COG4: variants seen among roughly 807,000 people sequenced by gnomAD.
COG4 encodes component of oligomeric golgi complex 4, also known as conserved oligomeric Golgi complex subunit 4.
A neutral mutation model predicts 95.1 loss-of-function variants in COG4; 65 were observed. The observed-to-expected ratio is 0.68, with a 90% confidence interval of 0.56 to 0.84. COG4 has a LOEUF of 0.84. Among genes scored for constraint, COG4 ranks in the 40% least tolerant of loss-of-function variants. COG4 has a pLI of 0.00. For synonymous variants in COG4, 421 were observed against 374.8 expected, an observed-to-expected ratio of 1.12 and a Z score of -1.42; for missense variants, 1,045 against 989.1, an observed-to-expected ratio of 1.06 and a Z score of -0.76.
intron 8 of COG4, among the ~76,000 whole-genome samples, chr16:70,504,338 C>T (rs142068454): frequency 2.0e-5 from 3 of 152,112 alleles, no homozygotes; most frequent in African/African-American, 7.2e-5. Flanking sequence ...TGGGTGCAGT[C>T]GTTCACGACT....
chr16:70,516,513 G>C (rs887949080), intron 3 of COG4, among the ~76,000 whole-genome samples: 1 of 152,010 alleles, frequency 6.6e-6, no homozygotes, highest in African/African-American at 2.4e-5. Context: ...AGCCAGGATG[G>C]TCTCGATCTC....
chr16:70,521,576 A>G (rs760988762), intron 1 of COG4, among the ~76,000 whole-genome samples: 2 of 152,020 alleles, frequency 1.3e-5, no homozygotes, highest in Non-Finnish European at 2.9e-5. Flanking sequence ...CGTCCTCTTG[A>G]CAGTCATGGA....
intron 2 of COG4, among the ~76,000 whole-genome samples, chr16:70,518,695 C>T (rs9937769): frequency 0.12 from 18,250 of 151,896 alleles, 3,630 homozygotes; most frequent in African/African-American, 0.41. Flanking sequence ...TGGTGGTTCT[C>T]GGCCGGGCAT....
Position 70,517,687 on chromosome 16 carries a change from G to C in COG4, c.308C>G (p.Thr103Ser), listed in dbSNP as rs770900113. ...GDAKQLAGMI[T>S]FTCNLAENVS... ...ATTCTCAGCCAGGTTGCAGGTAAAG[G>C]TGATCATTCCAGCCAGCTGCTTTGC... The change falls in exon 3 of 19, where the codon ACC becomes AGC. Residue 103 changes from threonine (T) to serine (S), a missense_variant. Transcript: ENST00000323786. The C allele has an allele frequency of 6.2e-7, 1 of 1,613,630 alleles. No homozygotes were observed. The highest frequency in any genetic ancestry group is 1.1e-5 in the South Asian group (1 of 91,042).
chr16:70,485,386 T>C (rs961483550), intron 13 of COG4, among the ~76,000 whole-genome samples: 2 of 151,466 alleles, frequency 1.3e-5, no homozygotes, highest in Non-Finnish European at 2.9e-5. Context: ...CTATTTTTAG[T>C]AGAGACAGGG....
chr16:70,513,030 G>C (rs1020218403), intron 4 of COG4, among the ~76,000 whole-genome samples: 7 of 152,208 alleles, frequency 4.6e-5, no homozygotes, highest in African/African-American at 1.7e-4. Flanking sequence ...ATCAGAAAAG[G>C]CTTCCTAGAG....
chr16:70,488,870 C>A (rs2049187881), intron 13 of COG4, among the ~76,000 whole-genome samples: 1 of 152,154 alleles, frequency 6.6e-6, no homozygotes, highest in Non-Finnish European at 1.5e-5. Context: ...TTATTTTTAA[C>A]TGTTAATACA....
chr16:70,488,120 T>C, intron 13 of COG4, among the ~76,000 whole-genome samples: 1 of 151,104 alleles, frequency 6.6e-6, no homozygotes, highest in Non-Finnish European at 1.5e-5. Flanking sequence ...CCACCACACC[T>C]GGCTATTATT....
At chr16:70,481,174 C>T (rs1391929395) in intron 18 of COG4, 30 bp from the exon 19 acceptor site, 6 of 1,613,120 alleles carry the variant, frequency 3.7e-6, no homozygotes, top group Admixed American at 3.3e-5. Flanking sequence ...GACCAGTCAG[C>T]AAGGTGGGGT....
chr16:70,496,054 C>A (rs1013484998), intron 12 of COG4, among the ~76,000 whole-genome samples: 8 of 152,196 alleles, frequency 5.3e-5, no homozygotes, highest in Admixed American at 3.9e-4. Flanking sequence ...AGCCCAGCCT[C>A]TATCGTGGCT....
At chr16:70,505,886 T>C (rs2049555502) in intron 8 of COG4, among the ~76,000 whole-genome samples, 1 of 152,142 alleles carries the variant, frequency 6.6e-6, no homozygotes, top group African/African-American at 2.4e-5. Flanking sequence ...GGCTCATGCC[T>C]GTAATTCCAG....
chr16:70,490,065 G>A (rs746128444), intron 13 of COG4, among the ~76,000 whole-genome samples: 5 of 152,090 alleles, frequency 3.3e-5, no homozygotes, highest in East Asian at 1.9e-4. Flanking sequence ...TGATCCACCC[G>A]CCTTGGCCTC....
intron 4 of COG4, among the ~76,000 whole-genome samples, chr16:70,513,205 G>T (rs1466452743): frequency 6.6e-6 from 1 of 152,210 alleles, no homozygotes; most frequent in African/African-American, 2.4e-5. Flanking sequence ...GGAGGAGCTT[G>T]AGAAATACTT....
At chr16:70,488,113 C>G (rs1421537281) in intron 13 of COG4, among the ~76,000 whole-genome samples, 1 of 151,864 alleles carries the variant, frequency 6.6e-6, no homozygotes, top group Non-Finnish European at 1.5e-5. Flanking sequence ...GTGTGAGCCA[C>G]CACACCTGGC....
At chr16:70,490,752 C>T (rs986544825) in intron 12 of COG4, among the ~76,000 whole-genome samples, 3 of 151,992 alleles carry the variant, frequency 2.0e-5, no homozygotes, top group East Asian at 1.9e-4. Flanking sequence ...CTCTGCCTCC[C>T]GGGTTCATGC....
intron 8 of COG4, among the ~76,000 whole-genome samples, chr16:70,506,524 G>A (rs1049519408): frequency 1.4e-5 from 2 of 144,558 alleles, no homozygotes; most frequent in Non-Finnish European, 3.0e-5. Context: ...CTAGCAGGTG[G>A]AGGTTTTGGT....
intron 3 of COG4, among the ~76,000 whole-genome samples, chr16:70,516,494 C>T (rs2049825990): frequency 6.6e-6 from 1 of 152,058 alleles, no homozygotes; most frequent in Non-Finnish European, 1.5e-5. Flanking sequence ...GATGGGGTTT[C>T]ACGGTGTTAG....
chr16:70,501,096 G>A lies in COG4; in HGVS notation c.1062-5C>T, dbSNP rs1435123334. On this transcript the variant is annotated splice_region_variant and splice_polypyrimidine_tract_variant and intron_variant, in intron 8 of 18. Coordinates refer to ENST00000323786, the MANE Select transcript of COG4 (RefSeq NM_015386.3). Reference sequence around the variant, plus strand: ...GTCAGGATGGGGTCCAGTTCTCTGAGACACATGGAGCAGAAGGAATAGGAC... The same window carrying A: ...GTCAGGATGGGGTCCAGTTCTCTGAAACACATGGAGCAGAAGGAATAGGAC... 5 of 1,612,744 alleles carry A rather than the reference G, an allele frequency of 3.1e-6. No homozygotes were observed. The highest frequency in any genetic ancestry group is 4.2e-6 in the Non-Finnish European group (5 of 1,179,996).
At chr16:70,486,708 T>C (rs1300211798) in intron 13 of COG4, among the ~76,000 whole-genome samples, 1 of 151,984 alleles carries the variant, frequency 6.6e-6, no homozygotes, top group Non-Finnish European at 1.5e-5. Context: ...TTACAAACAA[T>C]GATGTCGGCC....
Sources: gnomAD v4.1 joint callset for allele counts (sites outside exome capture counted in the v4.1 genomes callset) on GRCh38, gnomAD v4.1.1 for gene constraint, MANE v1.5 for transcripts, NCBI Gene and HGNC (gene_info 2026-07-23, HGNC 2026-07-21) for gene names.